The following GALNT18 variants were observed in gnomAD, a reference collection of about 807,000 sequenced individuals.
The protein encoded by GALNT18 is polypeptide N-acetylgalactosaminyltransferase 18.
Under a neutral mutation model 69.5 loss-of-function variants are expected in GALNT18, and 44 were observed. The ratio of observed to expected loss-of-function variants is 0.63; its 90% CI spans 0.50 to 0.81. The LOEUF is 0.81. Ranked by LOEUF, GALNT18 falls within the 40% of genes least tolerant of loss-of-function variation. GALNT18 has a pLI of 0.00. For missense variants in GALNT18, 715 were observed against 810.0 expected, an observed-to-expected ratio of 0.88 and a Z score of 1.42; for synonymous variants, 364 against 318.2, an observed-to-expected ratio of 1.14 and a Z score of -1.53.
rs2133699191 is a variant in GALNT18 at position 11,383,405 on chromosome 11, C to T, written c.596-4141G>A. ...TAAGTACTTAATGGGACACTCCAAT[C>T]TCATGCATAAAGGAAACTAAAGGAT... On this transcript the variant is annotated intron_variant, in intron 3 of 10. Coordinates refer to ENST00000227756, the MANE Select transcript of GALNT18 (RefSeq NM_198516.3). This position sits in a 1 kb window ranked among gnomAD's most constrained non-coding sequence, Gnocchi z 5.2. 6.6e-6 allele frequency among the ~76,000 whole-genome samples: 1 copy of T among 152,334 alleles called. No individual in the cohort carries two copies. The highest frequency in any genetic ancestry group is 6.5e-5 in the Admixed American group (1 of 15,304).
intron 1 of GALNT18, among the ~76,000 whole-genome samples, chr11:11,527,519 C>T (rs988863166): frequency 2.6e-5 from 4 of 152,136 alleles, no homozygotes; most frequent in Non-Finnish European, 4.4e-5. Context: ...TAAACAGATG[C>T]CACAAAGCAG....
chr11:11,278,331 G>A (rs943655017), intron 10 of GALNT18, among the ~76,000 whole-genome samples: 19 of 149,892 alleles, frequency 1.3e-4, no homozygotes, highest in African/African-American at 2.2e-4. Context: ...ACATGGACAC[G>A]GCAGGGAAGG....
intron 1 of GALNT18, among the ~76,000 whole-genome samples, chr11:11,581,558 C>T (rs1327074828): frequency 1.3e-5 from 2 of 152,046 alleles, no homozygotes; most frequent in African/African-American, 2.4e-5. Context: ...CCCATGACAC[C>T]CCCAGCCCTT....
At chr11:11,501,774 G>C (rs1290629070) in intron 1 of GALNT18, among the ~76,000 whole-genome samples, 1 of 152,194 alleles carries the variant, frequency 6.6e-6, no homozygotes, top group African/African-American at 2.4e-5. Context: ...AATGAGGCTT[G>C]GCTTTGTGCT....
rs114742669 is a variant in GALNT18 at position 11,283,218 on chromosome 11, G to A, written c.1677+9811C>T. Among the ~76,000 whole-genome samples, 146 of 152,202 alleles carry A rather than the reference G, an allele frequency of 9.6e-4. 1 individual carries two copies. The highest frequency in any genetic ancestry group is 3.3e-3 in the African/African-American group (139 of 41,516). ...CACACAGGCTGGAGTGCAGTAGCAGGATCTCGGCTCAATGCAATCCCAGGT... is the reference window on the plus strand; with the variant it reads ...CACACAGGCTGGAGTGCAGTAGCAGAATCTCGGCTCAATGCAATCCCAGGT... On this transcript the variant is annotated intron_variant, in intron 10 of 10. Transcript: ENST00000227756.
In GALNT18 at chr11:11,439,310, A is replaced by G. The variant is rs912824475; in HGVS notation, c.429-6523T>C. On this transcript the variant is annotated intron_variant, in intron 2 of 10. Coordinates refer to ENST00000227756, the MANE Select transcript of GALNT18 (RefSeq NM_198516.3). This position sits in a 1 kb window ranked among gnomAD's most constrained non-coding sequence, Gnocchi z 4.4. ...GGAGCTGTCCAGGATGTCTTGAACC[A>G]CGCTGCCTCCTCCAGAGCCTGCCTG... Among the ~76,000 whole-genome samples, 1 of 152,176 alleles carries G rather than the reference A, an allele frequency of 6.6e-6. No individual in the cohort carries two copies. The highest frequency in any genetic ancestry group is 1.5e-5 in the Non-Finnish European group (1 of 68,032).
At chr11:11,545,231 A>G (rs1465467744) in intron 1 of GALNT18, among the ~76,000 whole-genome samples, 2 of 152,260 alleles carry the variant, frequency 1.3e-5, no homozygotes, top group Admixed American at 6.5e-5. Flanking sequence ...GCTTTTTCCA[A>G]CATTCCATGC....
rs1849716866 is a variant in GALNT18 at position 11,314,349 on chromosome 11, A to G, written c.1512+12737T>C. On this transcript the variant is annotated intron_variant, in intron 9 of 10. Coordinates refer to ENST00000227756, the MANE Select transcript of GALNT18 (RefSeq NM_198516.3). The surrounding 1 kb of genome is among the most constrained non-coding windows in gnomAD (Gnocchi z 5.2). ...AGTTTGGACATGAAGTGAAGAACAT[A>G]TCATGTGGAATGAATAACAAATCAA... Among the ~76,000 whole-genome samples the G allele has an allele frequency of 6.6e-6, 1 of 150,806 alleles. No homozygotes were observed. The highest frequency in any genetic ancestry group is 2.1e-4 in the South Asian group (1 of 4,722).
chr11:11,563,750 A>G lies in GALNT18; in HGVS notation c.235+57609T>C, dbSNP rs1029291671. Among the ~76,000 whole-genome samples, 11 of 152,178 alleles carry G rather than the reference A, an allele frequency of 7.2e-5. No homozygotes were observed. Among genetic ancestry groups the G allele is most frequent in the Non-Finnish European group, 1.0e-4 (7 of 68,030 alleles). On this transcript the variant is annotated intron_variant, in intron 1 of 10. Transcript: ENST00000227756. This position sits in a 1 kb window ranked among gnomAD's most constrained non-coding sequence, Gnocchi z 4.6. ...CCCAGCCCTGCCTCCCTAGCACCAC[A>G]CTTTTGTGGAAACTATTCTGAGAAA...
At position 11,605,145 on chromosome 11, in the gene GALNT18, G is replaced by A. The variant is rs912582955; in HGVS notation, c.235+16214C>T. ...GCTGTCCCGACAGGCAGAGTCTGAG[G>A]AGGAACTTTTACTGTGTCCGTTTCC... On this transcript the variant is annotated intron_variant, in intron 1 of 10. Coordinates refer to ENST00000227756, the MANE Select transcript of GALNT18 (RefSeq NM_198516.3). This position sits in a 1 kb window ranked among gnomAD's most constrained non-coding sequence, Gnocchi z 4.7. Among the ~76,000 whole-genome samples, 8 of 152,192 alleles carry A rather than the reference G, an allele frequency of 5.3e-5. No individual in the cohort carries two copies. The highest frequency in any genetic ancestry group is 1.9e-4 in the African/African-American group (8 of 41,452).
intron 1 of GALNT18, among the ~76,000 whole-genome samples, chr11:11,513,578 C>T (rs1485660953): frequency 6.6e-6 from 1 of 152,206 alleles, no homozygotes; most frequent in East Asian, 1.9e-4. Flanking sequence ...TTGCCCCATA[C>T]CTCTGCATTA....
rs1855233954 is a variant in GALNT18 at position 11,430,171 on chromosome 11, G to A, written c.595+2450C>T. 6.6e-6 allele frequency among the ~76,000 whole-genome samples: 1 copy of A among 152,108 alleles called. No individual in the cohort carries two copies. The highest frequency in any genetic ancestry group is 1.5e-5 in the Non-Finnish European group (1 of 68,028). Reference sequence around the variant, plus strand: ...AAAAAAAAGAATGCTTTTTAAAACAGCGATGTCTAGAACCCTCTTTGAACT... The same window carrying A: ...AAAAAAAAGAATGCTTTTTAAAACAACGATGTCTAGAACCCTCTTTGAACT... On this transcript the variant is annotated intron_variant, in intron 3 of 10. Transcript: ENST00000227756. The surrounding 1 kb of genome is among the most constrained non-coding windows in gnomAD (Gnocchi z 4.9).
intron 2 of GALNT18, among the ~76,000 whole-genome samples, chr11:11,443,489 T>C (rs1259199360): frequency 6.6e-6 from 1 of 152,068 alleles, no homozygotes; most frequent in Non-Finnish European, 1.5e-5. Context: ...GATGTTTCCT[T>C]TTCCTCTTCT....
rs149067698 is a variant in GALNT18, at chr11:11,480,023, G to A, written c.236-31087C>T. Reference sequence around the variant, plus strand: ...CTGCTACCCCAAGCCCCACCAGGAGGCTAGAGAAGAGAGATGGGAGAGTTT... The same window carrying A: ...CTGCTACCCCAAGCCCCACCAGGAGACTAGAGAAGAGAGATGGGAGAGTTT... On this transcript the variant is annotated intron_variant, in intron 1 of 10. Transcript: ENST00000227756. This position sits in a 1 kb window ranked among gnomAD's most constrained non-coding sequence, Gnocchi z 4.6. Among the ~76,000 whole-genome samples, 2 of 152,292 alleles carry A rather than the reference G, an allele frequency of 1.3e-5. No homozygotes were observed. The highest frequency in any genetic ancestry group is 2.9e-5 in the Non-Finnish European group (2 of 68,022).
At position 11,382,812 on chromosome 11, in the gene GALNT18, G is replaced by A. The variant is rs1228023515; in HGVS notation, c.596-3548C>T. The stretch of plus-strand genomic sequence containing the variant: ...TAACATTTAATAAAGTGTCTTGGTG[G>A]GTTAGGACAGTAGTATAATTGTGGA... On this transcript the variant is annotated intron_variant, in intron 3 of 10. Transcript: ENST00000227756. The surrounding 1 kb of genome is among the most constrained non-coding windows in gnomAD (Gnocchi z 4.3). 6.6e-6 allele frequency among the ~76,000 whole-genome samples: 1 copy of A among 151,906 alleles called. No individual in the cohort carries two copies. Among genetic ancestry groups the A allele is most frequent in the Non-Finnish European group, 1.5e-5 (1 of 67,990 alleles).
At position 11,586,610 on chromosome 11, in the gene GALNT18, T is replaced by C. The variant is rs758265626; in HGVS notation, c.235+34749A>G. Among the ~76,000 whole-genome samples the C allele has an allele frequency of 2.0e-5, 3 of 151,944 alleles. No individual in the cohort carries two copies. Among genetic ancestry groups the C allele is most frequent in the African/African-American group, 7.3e-5 (3 of 41,350 alleles). On this transcript the variant is annotated intron_variant, in intron 1 of 10. Transcript: ENST00000227756. This position sits in a 1 kb window ranked among gnomAD's most constrained non-coding sequence, Gnocchi z 4.1. The stretch of plus-strand genomic sequence containing the variant: ...TGTAGTCAGGACATAGTTGATCTTT[T>C]AAAAAAAATAAAACGTTTCAGCATT...
In GALNT18 at chr11:11,415,938, A is replaced by G. The variant is rs1227448649; in HGVS notation, c.595+16683T>C. On this transcript the variant is annotated intron_variant, in intron 3 of 10. Coordinates refer to ENST00000227756, the MANE Select transcript of GALNT18 (RefSeq NM_198516.3). The surrounding 1 kb of genome is among the most constrained non-coding windows in gnomAD (Gnocchi z 4.1). Reference sequence around the variant, plus strand: ...GACTGTGGGAACTCACTCCAGAAAGATTAAACAGCAACCTTGAATGTTCTT... The same window carrying G: ...GACTGTGGGAACTCACTCCAGAAAGGTTAAACAGCAACCTTGAATGTTCTT... Among the ~76,000 whole-genome samples the G allele has an allele frequency of 6.6e-6, 1 of 152,258 alleles. No individual in the cohort carries two copies. Among genetic ancestry groups the G allele is most frequent in the African/African-American group, 2.4e-5 (1 of 41,470 alleles).
chr11:11,332,969 G>A lies in GALNT18; in HGVS notation c.1279-138C>T. ...GGGACCATGTGGCACGTTAACTCTT[G>A]CATTTTCCCACGGGTACCTTAACCC... On this transcript the variant is annotated intron_variant, in intron 7 of 10. Transcript: ENST00000227756. This position sits in a 1 kb window ranked among gnomAD's most constrained non-coding sequence, Gnocchi z 4.3. 1 of 878,074 alleles carries A rather than the reference G, an allele frequency of 1.1e-6. No homozygotes were observed. Among genetic ancestry groups the A allele is most frequent in the Non-Finnish European group, 1.8e-6 (1 of 568,576 alleles). 54.4% of individuals were successfully genotyped at this position (878,074 alleles called of 1,614,324 possible).
At chr11:11,503,117 C>A (rs978579028) in intron 1 of GALNT18, among the ~76,000 whole-genome samples, 1 of 152,178 alleles carries the variant, frequency 6.6e-6, no homozygotes, top group Admixed American at 6.5e-5. Context: ...TCAAAAGCCA[C>A]CCCTGAGGAA....
Sources: allele counts gnomAD v4.1 joint callset (sites outside exome capture counted in the v4.1 genomes callset), GRCh38; gene constraint gnomAD v4.1.1; non-coding constraint Gnocchi (gnomAD v3.1); transcripts MANE v1.5; gene names NCBI Gene and HGNC (gene_info 2026-07-23, HGNC 2026-07-21).